Variants in VMP1 observed in about 807,000 individuals in gnomAD.
VMP1 encodes vacuole membrane protein 1.
Under a neutral mutation model 56.0 loss-of-function variants are expected in VMP1, and 11 were observed. The observed-to-expected ratio is 0.20, with a 90% confidence interval of 0.12 to 0.32. The LOEUF (loss-of-function observed/expected upper bound fraction) is 0.32, where lower values mean the gene tolerates loss of function less well. Among genes scored for constraint, VMP1 ranks in the 10% least tolerant of loss-of-function variants. VMP1 has a pLI of 1.00. For synonymous variants in VMP1, 149 were observed against 165.0 expected (o/e 0.90, Z 0.74); for missense variants, 296 against 490.3 (o/e 0.60, Z 3.74).
chr17:59,768,409 C>T (rs2036306949), intron 6 of VMP1, among the ~76,000 whole-genome samples: 1 of 150,798 alleles, frequency 6.6e-6, no homozygotes, highest in Non-Finnish European at 1.5e-5. Flanking sequence ...TCGAGACCAG[C>T]CGGACCAACA....
chr17:59,816,889 T>A (rs2038252635), intron 9 of VMP1, among the ~76,000 whole-genome samples: 1 of 144,834 alleles, frequency 6.9e-6, no homozygotes, highest in East Asian at 2.0e-4. Context: ...GAGGTTGTAG[T>A]GAGCCAAGAT....
intron 7 of VMP1, among the ~76,000 whole-genome samples, chr17:59,807,899 T>C (rs948861114): frequency 1.3e-5 from 2 of 151,804 alleles, no homozygotes; most frequent in Non-Finnish European, 2.9e-5. Context: ...TATGAAGACT[T>C]ATTAATAAAG....
rs59262512 is a variant in VMP1, at chr17:59,773,048, G to A, written c.583-706G>A. On this transcript the variant is annotated intron_variant, in intron 6 of 11. Coordinates refer to ENST00000262291, the MANE Select transcript of VMP1 (RefSeq NM_030938.5). ...GCGATCTCAGCTCCCTGCAACCTCC[G>A]CCTCCCAGGTTCAAGCAATTTTCCT... Among the ~76,000 whole-genome samples, 541 of 129,840 alleles carry A rather than the reference G, an allele frequency of 4.2e-3. 2 individuals carry two copies. The highest frequency in any genetic ancestry group is 3.9e-3 in the Non-Finnish European group (251 of 63,612). 85.2% of individuals were successfully genotyped at this position (129,840 alleles called of 152,430 possible).
chr17:59,781,776 A>G (rs1234940243), intron 7 of VMP1, among the ~76,000 whole-genome samples: 1 of 152,200 alleles, frequency 6.6e-6, no homozygotes, highest in East Asian at 1.9e-4. Context: ...TAACAGGTGC[A>G]TATATCTTTT....
intron 1 of VMP1, among the ~76,000 whole-genome samples, chr17:59,713,269 G>A (rs774520049): frequency 6.3e-4 from 95 of 151,600 alleles, no homozygotes; most frequent in Non-Finnish European, 1.1e-3. Flanking sequence ...GGGAAGGAGG[G>A]AGGGATAGCA....
chr17:59,787,344 T>C (rs2037040771), intron 7 of VMP1, among the ~76,000 whole-genome samples: 1 of 152,192 alleles, frequency 6.6e-6, no homozygotes, highest in Non-Finnish European at 1.5e-5. Flanking sequence ...TTTTAATTTC[T>C]TCTATTTCTT....
chr17:59,731,249 A>G (rs537495019), intron 1 of VMP1, 172 bp from the exon 2 acceptor site: 31 of 356,574 alleles, frequency 8.7e-5, no homozygotes, highest in African/African-American at 6.6e-4. Context: ...AAATTGTTCA[A>G]TAGAATAACT....
At chr17:59,743,559 GCTCT>G (rs367998812) in intron 5 of VMP1, among the ~76,000 whole-genome samples, 241 of 145,120 alleles carry the variant, frequency 1.7e-3, no homozygotes, top group African/African-American at 5.5e-3. Context: ...TTAAAAAACT[GCTCT>G]CTCTCTCTCT....
intron 10 of VMP1, among the ~76,000 whole-genome samples, chr17:59,826,916 G>A (rs533643744): frequency 4.6e-5 from 7 of 152,214 alleles, no homozygotes; most frequent in Non-Finnish European, 8.8e-5. Flanking sequence ...CAGCTGCTGT[G>A]TGAATTTGGT....
intron 5 of VMP1, among the ~76,000 whole-genome samples, chr17:59,739,263 T>G (rs1049098672): frequency 2.6e-5 from 4 of 152,244 alleles, no homozygotes; most frequent in Non-Finnish European, 5.9e-5. Flanking sequence ...ATAAATGAAG[T>G]CCATTTAAAT....
chr17:59,715,351 C>A (rs1229044979), intron 1 of VMP1, among the ~76,000 whole-genome samples: 2 of 152,144 alleles, frequency 1.3e-5, no homozygotes, highest in Admixed American at 1.3e-4. Context: ...AGGAAACTTA[C>A]AATCATGGTG....
intron 1 of VMP1, among the ~76,000 whole-genome samples, chr17:59,721,665 C>T (rs1314039463): frequency 1.3e-5 from 2 of 152,106 alleles, no homozygotes; most frequent in East Asian, 3.9e-4. Flanking sequence ...AGGAGGAGCA[C>T]TTGGTACCCA....
chr17:59,732,238 ATTTG>A (rs761468287), intron 2 of VMP1, among the ~76,000 whole-genome samples: 24 of 151,966 alleles, frequency 1.6e-4, no homozygotes, highest in Non-Finnish European at 5.9e-5. Flanking sequence ...AGTAGTTTTC[ATTTG>A]TTTGTTTGTT....
chr17:59,738,578 A>G (rs554338936), intron 4 of VMP1, among the ~76,000 whole-genome samples: 1 of 152,324 alleles, frequency 6.6e-6, no homozygotes, highest in South Asian at 2.1e-4. Context: ...GTGTCCTGTA[A>G]ATAGTAGGAC....
chr17:59,825,404 A>T (rs2038616266), intron 10 of VMP1, among the ~76,000 whole-genome samples: 1 of 151,958 alleles, frequency 6.6e-6, no homozygotes, highest in African/African-American at 2.4e-5. Context: ...TTTAATACTA[A>T]TTTTTATTTA....
chr17:59,721,781 T>C (rs538662583), intron 1 of VMP1, among the ~76,000 whole-genome samples: 1 of 152,346 alleles, frequency 6.6e-6, no homozygotes, highest in South Asian at 2.1e-4. Context: ...TTATTTATAC[T>C]AATCAACATT....
chr17:59,740,928 T>C lies in VMP1; in HGVS notation c.414+1981T>C, dbSNP rs542156764. Among the ~76,000 whole-genome samples, 152 of 152,366 alleles carry C rather than the reference T, an allele frequency of 1.0e-3. 1 individual carries two copies. Among genetic ancestry groups the C allele is most frequent in the Non-Finnish European group, 1.9e-3 (132 of 68,034 alleles). On this transcript the variant is annotated intron_variant, in intron 5 of 11. Coordinates refer to ENST00000262291, the MANE Select transcript of VMP1 (RefSeq NM_030938.5). ...TGAATGTCAAAAGAGATTGAAATTATGGCTCATGCCTGTAATTCCAGCATT... is the reference window on the plus strand; with the variant it reads ...TGAATGTCAAAAGAGATTGAAATTACGGCTCATGCCTGTAATTCCAGCATT...
chr17:59,777,731 G>A (rs28481419), intron 7 of VMP1, among the ~76,000 whole-genome samples: 7,527 of 152,024 alleles, frequency 0.05, 604 homozygotes, highest in African/African-American at 0.17. Flanking sequence ...GGAGAATCGC[G>A]TGAACCCTGG....
intron 5 of VMP1, among the ~76,000 whole-genome samples, chr17:59,753,259 G>A (rs933211337): frequency 6.6e-6 from 1 of 151,722 alleles, no homozygotes; most frequent in Admixed American, 6.6e-5. Flanking sequence ...GCGACAGAAT[G>A]AGACCCTGTC....
Sources: allele counts gnomAD v4.1 joint callset (sites outside exome capture counted in the v4.1 genomes callset), GRCh38; gene constraint gnomAD v4.1.1; transcripts MANE v1.5; gene names NCBI Gene and HGNC (gene_info 2026-07-23, HGNC 2026-07-21).